ARFGAP2: variants seen among roughly 807,000 people sequenced by gnomAD.
ARFGAP2 encodes ARF GTPase activating protein 2.
A neutral mutation model predicts 71.9 loss-of-function variants in ARFGAP2; 45 were observed. That is an observed-to-expected ratio of 0.63 (90% CI 0.49 to 0.80). ARFGAP2 has a LOEUF of 0.80. Among genes scored for constraint, ARFGAP2 ranks in the 30% least tolerant of loss-of-function variants. The probability of loss-of-function intolerance (pLI) is 0.00; values close to 1 mark genes in which losing one functional copy is unlikely to be tolerated. For missense variants in ARFGAP2, 633 were observed against 673.9 expected, an observed-to-expected ratio of 0.94 and a Z score of 0.67; for synonymous variants, 248 against 249.2, an observed-to-expected ratio of 1.00 and a Z score of 0.05.
At position 47,168,103 on chromosome 11, in the gene ARFGAP2, C is replaced by T; in HGVS notation, c.1070+20G>A. ...ATGAGGAACACAGCAGCCAAGTTTA[C>T]AGCTAGAAAACAGCCTTACTTTGGG... On this transcript the variant is annotated intron_variant, in intron 11 of 15. Coordinates refer to ENST00000524782, the MANE Select transcript of ARFGAP2 (RefSeq NM_032389.6). The T allele has an allele frequency of 6.2e-7, 1 of 1,614,228 alleles. No individual in the cohort carries two copies. Among genetic ancestry groups the T allele is most frequent in the Non-Finnish European group, 8.5e-7 (1 of 1,180,034 alleles).
chr11:47,168,889 G>A (rs971248868), intron 10 of ARFGAP2, among the ~76,000 whole-genome samples: 1 of 151,946 alleles, frequency 6.6e-6, no homozygotes, highest in Non-Finnish European at 1.5e-5. Flanking sequence ...TCCCTACCTT[G>A]TGCACTATGA....
At chr11:47,176,196 G>A (rs1952811598) in intron 2 of ARFGAP2, 5 of 590,726 alleles carry the variant, frequency 8.5e-6, no homozygotes, top group South Asian at 6.1e-5. Flanking sequence ...GATGGTCACA[G>A]TCTCACTAGA....
intron 12 of ARFGAP2, 35 bp downstream of exon 12, chr11:47,167,874 A>G (rs1184734459): frequency 1.4e-5 from 22 of 1,524,576 alleles, no homozygotes; most frequent in African/African-American, 8.5e-5. Flanking sequence ...TTAAAAAAAA[A>G]AAAGAAAGAA....
At chr11:47,171,826 C>G in intron 8 of ARFGAP2, 26 bp from the exon 9 acceptor site, 1 of 1,611,278 alleles carries the variant, frequency 6.2e-7, no homozygotes, top group Non-Finnish European at 8.5e-7. Context: ...TGTAAGGGGC[C>G]TTCCCAATCA....
At position 47,166,351 on chromosome 11, in the gene ARFGAP2, C is replaced by T. The variant is rs1373190371; in HGVS notation, c.1462G>A (p.Asp488Asn). The T allele has an allele frequency of 6.2e-7, 1 of 1,614,130 alleles. No homozygotes were observed. The highest frequency in any genetic ancestry group is 8.5e-7 in the Non-Finnish European group (1 of 1,180,050). ...ACACCCTGCTTAAACTGGGCAATGTCCGCTGTAGGCAGCACGTTCCCCAGA... is the reference window on the plus strand; with the variant it reads ...ACACCCTGCTTAAACTGGGCAATGTTCGCTGTAGGCAGCACGTTCCCCAGA... ...VSLGNVLPTADIAQFKQGVKS... is the reference protein window; with the variant it reads ...VSLGNVLPTANIAQFKQGVKS... Residue 488 changes from aspartate to asparagine, a missense_variant, in exon 15 of 16, where the codon GAC becomes AAC. Physicochemically the swap from Asp to Asn is conservative, Grantham distance 23. Coordinates refer to ENST00000524782, the MANE Select transcript of ARFGAP2 (RefSeq NM_032389.6).
Position 47,165,297 on chromosome 11 carries a change from G to A in ARFGAP2, c.*185C>T, listed in dbSNP as rs1952302957. On this transcript the variant is annotated 3_prime_UTR_variant, in exon 16 of 16. Transcript: ENST00000524782. ...ATAAAGGGCTCAGTCCACAGGCAGA[G>A]GACAAGGGCTGGTACTGACCATTCC... The A allele has an allele frequency of 1.7e-6, 1 of 586,450 alleles. No homozygotes were observed. The allele number at this position is 586,450 out of a possible 1,614,324, so 36.3% of individuals were successfully genotyped here.
At chr11:47,175,468 G>A (rs530231090) in intron 3 of ARFGAP2, 155 bp from the exon 4 acceptor site, 31 of 1,239,576 alleles carry the variant, frequency 2.5e-5, no homozygotes, top group Non-Finnish European at 3.4e-5. Context: ...AAAGTTTCTC[G>A]AAATTCCTGC....
chr11:47,175,322 C>G lies in ARFGAP2; in HGVS notation c.265-9G>C. The stretch of plus-strand genomic sequence containing the variant: ...TGGCGAAAAAAAGCCGTCTGGAGAG[C>G]AAAGAAGAGAGCAGCGCGTGCTACG... On this transcript the variant is annotated splice_polypyrimidine_tract_variant and intron_variant, in intron 3 of 15. Coordinates refer to ENST00000524782, the MANE Select transcript of ARFGAP2 (RefSeq NM_032389.6). The G allele has an allele frequency of 6.2e-7, 1 of 1,614,052 alleles. No homozygotes were observed. The highest frequency in any genetic ancestry group is 1.3e-5 in the African/African-American group (1 of 75,022).
At chr11:47,175,147 A>C (rs1389377401) in intron 4 of ARFGAP2, 35 bp downstream of exon 4, 3 of 1,613,596 alleles carry the variant, frequency 1.9e-6, no homozygotes, top group Non-Finnish European at 2.5e-6. Flanking sequence ...AATACTCCTA[A>C]CCCTCCTGCC....
chr11:47,167,357 G>A (rs925645117), intron 12 of ARFGAP2, among the ~76,000 whole-genome samples: 2 of 152,212 alleles, frequency 1.3e-5, no homozygotes, highest in Admixed American at 6.5e-5. Flanking sequence ...CTCACGCTGA[G>A]TATGTGGACA....
At chr11:47,173,572 T>C in intron 6 of ARFGAP2, 90 bp from the exon 7 acceptor site, 1 of 1,446,068 alleles carries the variant, frequency 6.9e-7, no homozygotes, top group South Asian at 1.4e-5. Flanking sequence ...ATCGGTGGCT[T>C]TCCTCAGCTT....
intron 4 of ARFGAP2, 38 bp downstream of exon 4, chr11:47,175,144 C>G: frequency 6.2e-7 from 1 of 1,614,138 alleles, no homozygotes; most frequent in Non-Finnish European, 8.5e-7. Flanking sequence ...CTGAATACTC[C>G]TAACCCTCCT....
chr11:47,168,014 T>C lies in ARFGAP2; in HGVS notation c.1100A>G (p.Glu367Gly). Residue 367 changes from glutamate (E) to glycine (G), a missense_variant, in exon 12 of 16, where the codon GAA (glutamate) becomes GGA (glycine). Transcript: ENST00000524782. ...TGTATCCCAGCGGGAGCCAAAGCTT[T>C]CCCCTAAGGAAAAGGGATTGTCCTT... ...KYKDNPFSLG[E>G]SFGSRWDTDA... The C allele has an allele frequency of 2.5e-6, 4 of 1,614,146 alleles. No homozygotes were observed. The highest frequency in any genetic ancestry group is 1.1e-5 in the South Asian group (1 of 91,078).
chr11:47,166,488 A>C lies in ARFGAP2; in HGVS notation c.1426+18T>G. ...TCCCAGGCCTCACTTGGTGCCTGCC[A>C]CCCCACCAGGGCCCTACCTGCTCCG... On this transcript the variant is annotated intron_variant, in intron 14 of 15. Coordinates refer to ENST00000524782, the MANE Select transcript of ARFGAP2 (RefSeq NM_032389.6). 6.2e-7 allele frequency: 1 copy of C among 1,612,610 alleles called. No homozygotes were observed.
Position 47,176,248 on chromosome 11 carries a change from T to C in ARFGAP2, c.191+268A>G, listed in dbSNP as rs908503267. ...AACATATCAGCAACAACAAGGTCAA[T>C]GCCTCCCTTTCCCCTCAACTAACGC... is the stretch of plus-strand genomic sequence containing the variant. On this transcript the variant is annotated intron_variant, in intron 2 of 15. Coordinates refer to ENST00000524782, the MANE Select transcript of ARFGAP2 (RefSeq NM_032389.6). 1.5e-5 allele frequency: 9 copies of C among 588,812 alleles called. No homozygotes were observed. The African/African-American group carries it at 1.7e-4, about 11-fold the overall frequency. 36.5% of individuals were successfully genotyped at this position (588,812 alleles called of 1,614,324 possible).
chr11:47,168,812 T>C (rs1952488893), intron 10 of ARFGAP2, among the ~76,000 whole-genome samples: 1 of 151,100 alleles, frequency 6.6e-6, no homozygotes, highest in Admixed American at 6.6e-5. Context: ...CGTGAGCCAC[T>C]GTGCCTGGCT....
Position 47,166,486 on chromosome 11 carries a change from C to T in ARFGAP2, c.1426+20G>A. 6.2e-7 allele frequency: 1 copy of T among 1,612,448 alleles called. No homozygotes were observed. The highest frequency in any genetic ancestry group is 8.5e-7 in the Non-Finnish European group (1 of 1,179,472). ...GCTCCCAGGCCTCACTTGGTGCCTG[C>T]CACCCCACCAGGGCCCTACCTGCTC... On this transcript the variant is annotated intron_variant, in intron 14 of 15. Coordinates refer to ENST00000524782, the MANE Select transcript of ARFGAP2 (RefSeq NM_032389.6).
rs754946323 is a variant in ARFGAP2 at position 47,166,297 on chromosome 11, GCA to G, written c.1514_1515del (p.Val505AlafsTer22). ...GVKSVAGKMA[V>X]LANGVMNSLQ... ...AAGGAATTCATCACACCATTGGCCA[GCA>G]CAGCCATTTTCCCAGCCACAGACTT... On this transcript the variant is annotated frameshift_variant, in exon 15 of 16. Transcript: ENST00000524782. LOFTEE classifies it high-confidence loss of function. 6.2e-7 allele frequency: 1 copy of G among 1,614,102 alleles called. No individual in the cohort carries two copies. The highest frequency in any genetic ancestry group is 1.3e-5 in the African/African-American group (1 of 74,936).
At chr11:47,176,135 A>C (rs1273442672) in intron 2 of ARFGAP2, 15 of 606,840 alleles carry the variant, frequency 2.5e-5, no homozygotes, top group Non-Finnish European at 3.8e-5. Context: ...CAGATCCGAA[A>C]GGAGGTCACA....
Sources: allele counts gnomAD v4.1 joint callset (sites outside exome capture counted in the v4.1 genomes callset), GRCh38; gene constraint gnomAD v4.1.1; transcripts MANE v1.5; gene names NCBI Gene and HGNC (gene_info 2026-07-23, HGNC 2026-07-21).